The following THOC5 variants were observed in gnomAD, a reference collection of about 807,000 sequenced individuals.
THOC5 encodes the protein THO complex subunit 5.
Under a neutral mutation model 92.9 loss-of-function variants are expected in THOC5, and 43 were observed. The observed-to-expected ratio is 0.46, with a 90% CI of 0.36 to 0.60. The LOEUF (loss-of-function observed/expected upper bound fraction) is 0.60. Ranked by LOEUF, THOC5 falls within the 20% of genes least tolerant of loss-of-function variation. The pLI, the probability that THOC5 is intolerant of heterozygous loss-of-function variation, is 0.00. For missense variants in THOC5, 659 were observed against 849.4 expected, an observed-to-expected ratio of 0.78 and a Z score of 2.79; for synonymous variants, 296 against 320.1, an observed-to-expected ratio of 0.92 and a Z score of 0.80.
chr22:29,518,097 G>A lies in THOC5; in HGVS notation c.1490-731C>T, dbSNP rs145703639. On this transcript the variant is annotated intron_variant, in intron 15 of 19. Transcript: ENST00000490103. ...TGCCCAGGCTGGAATACAGTGATGC[G>A]ATCTCAGCTCACTGCAACTTCCGCC... 4.3e-3 allele frequency among the ~76,000 whole-genome samples: 656 copies of A among 152,230 alleles called. 12 individuals carry two copies. The Middle Eastern group carries it at 0.044, about 10-fold the overall frequency.
chr22:29,513,776 T>C (rs759449211), intron 17 of THOC5: 3 of 152,152 alleles, frequency 2.0e-5, no homozygotes, highest in Non-Finnish European at 4.4e-5. Flanking sequence ...GGCAGAAGGA[T>C]GGTTTGAAGC....
intron 19 of THOC5, among the ~76,000 whole-genome samples, chr22:29,509,746 C>G (rs7292442): frequency 0.23 from 29,704 of 127,068 alleles, 3,810 homozygotes; most frequent in East Asian, 0.41. Flanking sequence ...ACTGCTTAGA[C>G]TGACAGGGAA....
chr22:29,515,397 A>G (rs942740335), intron 17 of THOC5, among the ~76,000 whole-genome samples: 3 of 152,224 alleles, frequency 2.0e-5, no homozygotes, highest in Non-Finnish European at 4.4e-5. Context: ...TAGTGCAAAC[A>G]TAACTTTTAT....
chr22:29,526,053 C>T, intron 11 of THOC5, 107 bp from the exon 12 acceptor site: 1 of 583,828 alleles, frequency 1.7e-6, no homozygotes, highest in Non-Finnish European at 3.2e-6. Context: ...GAAAAACTAA[C>T]TACTAGGTAT....
intron 15 of THOC5, among the ~76,000 whole-genome samples, 180 bp downstream of exon 15, chr22:29,518,826 C>T (rs1371984124): frequency 6.6e-6 from 1 of 152,226 alleles, no homozygotes; most frequent in Non-Finnish European, 1.5e-5. Flanking sequence ...GAGCTCGGTC[C>T]TCTGCCTGGA....
intron 5 of THOC5, among the ~76,000 whole-genome samples, chr22:29,541,793 G>A (rs889383304): frequency 5.6e-5 from 8 of 143,842 alleles, no homozygotes; most frequent in East Asian, 4.0e-4. Context: ...CCCGGGAGGC[G>A]GAGCTTGCAG....
intron 7 of THOC5, chr22:29,535,976 A>G (rs1858764032): frequency 6.6e-6 from 1 of 152,204 alleles, no homozygotes; most frequent in Admixed American, 6.5e-5. Context: ...CAAGCAGTCA[A>G]CAACTCTCCT....
chr22:29,548,069 TATA>T (rs1419763683), intron 2 of THOC5, among the ~76,000 whole-genome samples: 14 of 152,152 alleles, frequency 9.2e-5, no homozygotes, highest in African/African-American at 3.4e-4. Context: ...GCTTATTCAC[TATA>T]ATAAGAACAG....
chr22:29,529,156 C>T lies in THOC5; in HGVS notation c.925+6G>A. The T allele has an allele frequency of 6.2e-7, 1 of 1,614,164 alleles. No individual in the cohort carries two copies. The highest frequency in any genetic ancestry group is 8.5e-7 in the Non-Finnish European group (1 of 1,179,978). ...CCTGGGGGACGAATCCCAACCACCA[C>T]ATTACCTTGGGAGTCCTCTGGAGGT... On this transcript the variant is annotated splice_donor_region_variant and intron_variant, in intron 9 of 19. Transcript: ENST00000490103.
At chr22:29,520,463 T>C (rs970256334) in intron 13 of THOC5, among the ~76,000 whole-genome samples, 6 of 152,184 alleles carry the variant, frequency 3.9e-5, no homozygotes, top group African/African-American at 1.4e-4. Flanking sequence ...TATCACGTAT[T>C]ATTATGCTTC....
chr22:29,521,350 T>C (rs961883792), intron 12 of THOC5, among the ~76,000 whole-genome samples: 16 of 152,176 alleles, frequency 1.1e-4, no homozygotes, highest in African/African-American at 3.6e-4. Context: ...TTATTCAAGA[T>C]CACACTGCTA....
rs750274752 is a variant in THOC5, at chr22:29,528,404, C to T, written c.966+22G>A. On this transcript the variant is annotated intron_variant, in intron 10 of 19. Coordinates refer to ENST00000490103, the MANE Select transcript of THOC5 (RefSeq NM_003678.5). Reference sequence around the variant, plus strand: ...AGTGCATGCAGCTGCTTGATGCCCCCACAAGAGGAAATGGTTCTCACCGTA... The same window carrying T: ...AGTGCATGCAGCTGCTTGATGCCCCTACAAGAGGAAATGGTTCTCACCGTA... 7 of 1,613,918 alleles carry T rather than the reference C, an allele frequency of 4.3e-6. No homozygotes were observed. The Admixed American group carries it at 1.0e-4, about 23-fold the overall frequency.
chr22:29,552,459 C>T (rs1159592327), intron 1 of THOC5, among the ~76,000 whole-genome samples: 1 of 150,172 alleles, frequency 6.7e-6, no homozygotes. Flanking sequence ...AGGTGAGGAG[C>T]GTCTCTGCCC....
chr22:29,511,493 G>A, intron 18 of THOC5, 197 bp from the exon 19 acceptor site: 1 of 567,514 alleles, frequency 1.8e-6, no homozygotes, highest in Non-Finnish European at 3.1e-6. Flanking sequence ...TCCTGATTCT[G>A]ACCCATAGCT....
At chr22:29,519,283 C>T (rs1169210947) in intron 14 of THOC5, among the ~76,000 whole-genome samples, 163 bp from the exon 15 acceptor site, 8 of 152,214 alleles carry the variant, frequency 5.3e-5, no homozygotes, top group Non-Finnish European at 7.3e-5. Context: ...ACAGGCCAGA[C>T]GCTGAGTCCT....
chr22:29,534,275 G>A (rs1268297020), intron 7 of THOC5, among the ~76,000 whole-genome samples: 1 of 152,160 alleles, frequency 6.6e-6, no homozygotes, highest in African/African-American at 2.4e-5. Flanking sequence ...TGGGGTGTGA[G>A]GGAAGATAGG....
At chr22:29,537,886 T>TA (rs1478341973) in intron 6 of THOC5, among the ~76,000 whole-genome samples, 2 of 152,072 alleles carry the variant, frequency 1.3e-5, no homozygotes, top group African/African-American at 4.8e-5. Context: ...AGTGAAACTC[T>TA]GTGTCAAAAA....
In THOC5 at chr22:29,517,374, A is replaced by C. The variant is rs1297081577; in HGVS notation, c.1490-8T>G. On this transcript the variant is annotated splice_polypyrimidine_tract_variant and splice_region_variant and intron_variant, in intron 15 of 19. Coordinates refer to ENST00000490103, the MANE Select transcript of THOC5 (RefSeq NM_003678.5). ...CTGGCACAATGCCATGTTCTAAAAG[A>C]GAACAAGACAGATGACGTCACAGGT... The C allele has an allele frequency of 6.2e-7, 1 of 1,612,190 alleles. No individual in the cohort carries two copies. The highest frequency in any genetic ancestry group is 1.3e-5 in the African/African-American group (1 of 75,032).
intron 1 of THOC5, 147 bp downstream of exon 1, chr22:29,553,524 C>G (rs1355002927): frequency 6.6e-6 from 1 of 152,588 alleles, no homozygotes; most frequent in Admixed American, 6.5e-5. Flanking sequence ...AGCGCAGCGC[C>G]GAGAGGCCGG....
Sources: allele counts gnomAD v4.1 joint callset (sites outside exome capture counted in the v4.1 genomes callset), GRCh38; gene constraint gnomAD v4.1.1; transcripts MANE v1.5; gene names NCBI Gene and HGNC (gene_info 2026-07-23, HGNC 2026-07-21).